Variants in STON2 observed in about 807,000 individuals in gnomAD.
STON2 encodes stonin 2, also known as stonin-2.
A neutral mutation model predicts 65.7 loss-of-function variants in STON2; 29 were observed. That is an observed-to-expected ratio of 0.44 (90% CI 0.33 to 0.60). The LOEUF is 0.60. STON2 is among the 20% of genes least tolerant of loss of function. The pLI is 0.03. For missense variants in STON2, 1,054 were observed against 1,118.1 expected (o/e 0.94, Z 0.82); for synonymous variants, 404 against 414.2 (o/e 0.98, Z 0.30).
At chr14:81,398,829 T>A (rs1330576057) in intron 1 of STON2, among the ~76,000 whole-genome samples, 1 of 152,228 alleles carries the variant, frequency 6.6e-6, no homozygotes, top group East Asian at 1.9e-4. Flanking sequence ...GCAATTAGAT[T>A]CTCTAATTTC....
At chr14:81,380,269 C>A (rs1899450742) in intron 3 of STON2, among the ~76,000 whole-genome samples, 1 of 152,140 alleles carries the variant, frequency 6.6e-6, no homozygotes, top group Admixed American at 6.5e-5. Flanking sequence ...TAGGGGAATG[C>A]AAATCAAAAC....
intron 7 of STON2, chr14:81,269,532 G>C (rs1894488451): frequency 5.1e-6 from 5 of 985,268 alleles, no homozygotes; most frequent in Middle Eastern, 1.0e-3. Flanking sequence ...GGATATTTAT[G>C]ACGCTTGACC....
chr14:81,334,189 C>G (rs1004857838), intron 4 of STON2, among the ~76,000 whole-genome samples: 1 of 152,168 alleles, frequency 6.6e-6, no homozygotes, highest in African/African-American at 2.4e-5. Context: ...TCCAGGGCAC[C>G]AGTAATTGCC....
intron 4 of STON2, among the ~76,000 whole-genome samples, chr14:81,328,583 AAGAT>A (rs1193802662): frequency 6.6e-6 from 1 of 152,186 alleles, no homozygotes; most frequent in Non-Finnish European, 1.5e-5. Context: ...TGTCCCTCAA[AAGAT>A]AGGCTGATGT....
At chr14:81,279,536 A>T (rs1421431894) in intron 5 of STON2, among the ~76,000 whole-genome samples, 1 of 152,038 alleles carries the variant, frequency 6.6e-6, no homozygotes, top group Non-Finnish European at 1.5e-5. Context: ...TAAAAATACA[A>T]AAAAATTAGC....
intron 4 of STON2, among the ~76,000 whole-genome samples, chr14:81,336,005 T>G (rs971607158): frequency 1.8e-4 from 28 of 152,142 alleles, no homozygotes; most frequent in Admixed American, 1.8e-3. Context: ...TAGGGGCTAC[T>G]CAGGACTGAG....
intron 5 of STON2, among the ~76,000 whole-genome samples, chr14:81,315,519 CG>C (rs1645750906): frequency 1.4e-4 from 1 of 7,330 alleles, no homozygotes; most frequent in Admixed American, 1.1e-3. Context: ...AGGCAGGTGA[CG>C]ATACTGGCAG....
Position 81,262,423 on chromosome 14 carries a change from T to C in STON2, c.*5991A>G. On this transcript the variant is annotated 3_prime_UTR_variant, in exon 8 of 8. Coordinates refer to ENST00000614646, the MANE Select transcript of STON2 (RefSeq NM_001394390.1). Reference sequence around the variant, plus strand: ...GTTGAGTTGAATTAATCCTGCCATCTATCCCTTTTTACTATGCAATCTTTA... The same window carrying C: ...GTTGAGTTGAATTAATCCTGCCATCCATCCCTTTTTACTATGCAATCTTTA... 1 of 982,856 alleles carries C rather than the reference T, an allele frequency of 1.0e-6. No individual in the cohort carries two copies. Among genetic ancestry groups the C allele is most frequent in the Non-Finnish European group, 1.2e-6 (1 of 828,890 alleles). 60.9% of individuals were successfully genotyped at this position (982,856 alleles called of 1,614,324 possible).
At chr14:81,393,952 G>A (rs753511709) in intron 3 of STON2, among the ~76,000 whole-genome samples, 8 of 152,226 alleles carry the variant, frequency 5.3e-5, no homozygotes, top group Non-Finnish European at 8.8e-5. Flanking sequence ...CACTTTGGGA[G>A]GCTAAGGCAG....
At chr14:81,321,036 G>A (rs1370545984) in intron 5 of STON2, among the ~76,000 whole-genome samples, 1 of 152,146 alleles carries the variant, frequency 6.6e-6, no homozygotes, top group Non-Finnish European at 1.5e-5. Flanking sequence ...ACCCTTGCCA[G>A]ACTGTGACCA....
At chr14:81,322,649 C>G (rs75918551) in intron 5 of STON2, among the ~76,000 whole-genome samples, 1,715 of 152,300 alleles carry the variant, frequency 0.011, 45 homozygotes, top group African/African-American at 0.04. Flanking sequence ...TACTACTGCA[C>G]TTTCCTGAAA....
rs145263729 is a variant in STON2, at chr14:81,361,641, C to T, written c.571+9347G>A. Reference sequence around the variant, plus strand: ...GGCACAGGAAACGAAATAAAAAAGACAAATGGGATTAAATCAAAATAAAAA... The same window carrying T: ...GGCACAGGAAACGAAATAAAAAAGATAAATGGGATTAAATCAAAATAAAAA... On this transcript the variant is annotated intron_variant, in intron 4 of 7. Coordinates refer to ENST00000614646, the MANE Select transcript of STON2 (RefSeq NM_001394390.1). Among the ~76,000 whole-genome samples, 793 of 151,850 alleles carry T rather than the reference C, an allele frequency of 5.2e-3. 5 individuals carry two copies. Among genetic ancestry groups the T allele is most frequent in the African/African-American group, 0.018 (755 of 41,434 alleles).
In STON2 at chr14:81,396,085, T is replaced by C; in HGVS notation, c.182A>G (p.Gln61Arg). ...ATCCTGCTCCGAGTGGGAATGGTCT[T>C]GAGAGCCTCCATCCACCACATGGTT... Reference protein sequence around the residue: ...GENHVVDGGSQDHSHSEQDDS... With the variant: ...GENHVVDGGSRDHSHSEQDDS... The change falls in exon 3 of 8, where the codon CAA becomes CGA. Residue 61 changes from glutamine to arginine, a missense_variant. Gln to Arg is a conservative substitution (Grantham distance 43). Transcript: ENST00000614646. The C allele has an allele frequency of 1.2e-6, 2 of 1,614,180 alleles. No homozygotes were observed. The highest frequency in any genetic ancestry group is 1.7e-6 in the Non-Finnish European group (2 of 1,180,030).
rs1420313378 is a variant in STON2, at chr14:81,267,343, AC to A, written c.*1070del. The A allele has an allele frequency of 2.2e-5, 22 of 985,210 alleles. No individual in the cohort carries two copies. Among genetic ancestry groups the A allele is most frequent in the Non-Finnish European group, 2.7e-5 (22 of 829,906 alleles). 61.0% of individuals were successfully genotyped at this position (985,210 alleles called of 1,614,324 possible). A position where few individuals can be genotyped will look rare whatever the true frequency, so the allele number is the denominator to read the frequency against. On this transcript the variant is annotated 3_prime_UTR_variant, in exon 8 of 8. Transcript: ENST00000614646. Reference sequence around the variant, plus strand: ...AGATGCCTTTTCAATCCAATCCAATACTGTGATTATCAAACTCTGAATTTTG... The same window carrying A: ...AGATGCCTTTTCAATCCAATCCAATATGTGATTATCAAACTCTGAATTTTG...
rs1894396088 is a variant in STON2, at chr14:81,267,341, A to G, written c.*1073T>C. 1.0e-6 allele frequency: 1 copy of G among 985,238 alleles called. No homozygotes were observed. The highest frequency in any genetic ancestry group is 6.2e-5 in the Admixed American group (1 of 16,258). 61.0% of individuals were successfully genotyped at this position (985,238 alleles called of 1,614,324 possible). A position where few individuals can be genotyped will look rare whatever the true frequency, so the allele number is the denominator to read the frequency against. On this transcript the variant is annotated 3_prime_UTR_variant, in exon 8 of 8. Transcript: ENST00000614646. Reference sequence around the variant, plus strand: ...AGAGATGCCTTTTCAATCCAATCCAATACTGTGATTATCAAACTCTGAATT... The same window carrying G: ...AGAGATGCCTTTTCAATCCAATCCAGTACTGTGATTATCAAACTCTGAATT...
Position 81,311,942 on chromosome 14 carries a change from A to G in STON2, c.742+12075T>C, listed in dbSNP as rs182322096. Among the ~76,000 whole-genome samples the G allele has an allele frequency of 3.7e-3, 557 of 152,332 alleles. 8 individuals carry two copies. Among genetic ancestry groups the G allele is most frequent in the Admixed American group, 0.033 (506 of 15,304 alleles). ...TATGGTTTGGCTGCTTGTCAACCCA[A>G]CACAATTATTTCCTGATCTTTAGCC... is the stretch of plus-strand genomic sequence containing the variant. On this transcript the variant is annotated intron_variant, in intron 5 of 7. Coordinates refer to ENST00000614646, the MANE Select transcript of STON2 (RefSeq NM_001394390.1).
At chr14:81,418,515 A>G (rs1465377162) in intron 2 of STON2, among the ~76,000 whole-genome samples, 2 of 152,164 alleles carry the variant, frequency 1.3e-5, no homozygotes, top group Non-Finnish European at 2.9e-5. Context: ...ATAAACCCAG[A>G]TTACAGTTTA....
chr14:81,356,751 TG>T (rs1898252107), intron 4 of STON2, among the ~76,000 whole-genome samples: 1 of 151,984 alleles, frequency 6.6e-6, no homozygotes, highest in Non-Finnish European at 1.5e-5. Context: ...GTGTATGTGT[TG>T]AGGAATTTAT....
At chr14:81,312,054 G>A (rs1717980180) in intron 5 of STON2, among the ~76,000 whole-genome samples, 1 of 152,228 alleles carries the variant, frequency 6.6e-6, no homozygotes, top group Non-Finnish European at 1.5e-5. Context: ...TACGTAGCAT[G>A]TGTGCAGCAT....
Sources: gnomAD v4.1 joint callset for allele counts (sites outside exome capture counted in the v4.1 genomes callset) on GRCh38, gnomAD v4.1.1 for gene constraint, MANE v1.5 for transcripts, NCBI Gene and HGNC (gene_info 2026-07-23, HGNC 2026-07-21) for gene names.